The following PLCXD3 variants were observed in gnomAD, a reference collection of about 807,000 sequenced individuals.
PLCXD3 encodes PI-PLC X domain-containing protein 3.
Under a neutral mutation model 25.5 loss-of-function variants are expected in PLCXD3, and 19 were observed. The observed-to-expected ratio is 0.75, with a 90% CI of 0.52 to 1.09. The LOEUF (loss-of-function observed/expected upper bound fraction) is 1.09. PLCXD3 is among the 50% of genes least tolerant of loss of function. The pLI is 0.00. For missense variants in PLCXD3, 411 were observed against 388.1 expected, an observed-to-expected ratio of 1.06 and a Z score of -0.50; for synonymous variants, 174 against 137.6, an observed-to-expected ratio of 1.26 and a Z score of -1.85.
In PLCXD3 at chr5:41,313,586, A is replaced by G. The variant is rs372936378; in HGVS notation, c.*31T>C. ...TGCCCTAATACAATGAGCTTTCTCC[A>G]TCTTATTCATGGAAACTCCAAGTAG... On this transcript the variant is annotated 3_prime_UTR_variant, in exon 3 of 3. Coordinates refer to ENST00000377801, the MANE Select transcript of PLCXD3 (RefSeq NM_001005473.3). 3.1e-6 allele frequency: 5 copies of G among 1,612,910 alleles called. No individual in the cohort carries two copies. In the African/African-American group the frequency reaches 4.0e-5, roughly 13 times the overall value.
intron 2 of PLCXD3, among the ~76,000 whole-genome samples, chr5:41,346,626 T>C (rs1239658272): frequency 6.6e-6 from 1 of 152,200 alleles, no homozygotes; most frequent in Admixed American, 6.5e-5. Context: ...TTTTAAATAT[T>C]TGTAAGTGTA....
chr5:41,331,966 G>T lies in PLCXD3; in HGVS notation c.813-18196C>A, dbSNP rs530750388. On this transcript the variant is annotated intron_variant, in intron 2 of 2. Coordinates refer to ENST00000377801, the MANE Select transcript of PLCXD3 (RefSeq NM_001005473.3). ...TTCAAGATGGATTAAAGACTTAAAC[G>T]TTAGACCTAAAACCTTAAAAACCCT... Among the ~76,000 whole-genome samples the T allele has an allele frequency of 7.9e-3, 1,205 of 152,184 alleles. 18 individuals are homozygous for T. Among genetic ancestry groups the T allele is most frequent in the African/African-American group, 0.028 (1,158 of 41,512 alleles).
chr5:41,400,948 CATGTACCCCATAAATCT>C (rs1746165860), intron 1 of PLCXD3, among the ~76,000 whole-genome samples: 1 of 151,924 alleles, frequency 6.6e-6, no homozygotes, highest in Non-Finnish European at 1.5e-5. Context: ...CAAAACATCT[CATGTACCCCATAAATCT>C]ACATACCTAT....
chr5:41,443,337 C>T (rs959546072), intron 1 of PLCXD3, among the ~76,000 whole-genome samples: 1 of 151,918 alleles, frequency 6.6e-6, no homozygotes, highest in African/African-American at 2.4e-5. Flanking sequence ...CAATGTATGC[C>T]ATACCATATA....
intron 1 of PLCXD3, among the ~76,000 whole-genome samples, chr5:41,420,289 A>G (rs1430538732): frequency 6.6e-6 from 1 of 152,188 alleles, no homozygotes; most frequent in Non-Finnish European, 1.5e-5. Context: ...AATTGGTCTT[A>G]TTTGAGATGA....
intron 1 of PLCXD3, among the ~76,000 whole-genome samples, chr5:41,450,993 C>T (rs1199343706): frequency 6.6e-6 from 1 of 152,088 alleles, no homozygotes; most frequent in Non-Finnish European, 1.5e-5. Flanking sequence ...ACTGAGAAGA[C>T]ACTGGAGTGT....
rs560265904 is a variant in PLCXD3 at position 41,389,073 on chromosome 5, G to A, written c.104-6539C>T. ...TGCTTGATTTTTTTTTAATTGATAG[G>A]AAGGCCTCTGATTTAGTCCACTGGA... On this transcript the variant is annotated intron_variant, in intron 1 of 2. Transcript: ENST00000377801. 2.0e-5 allele frequency among the ~76,000 whole-genome samples: 3 copies of A among 151,706 alleles called. No individual in the cohort carries two copies. In the South Asian group the frequency reaches 6.3e-4, roughly 32 times the overall value.
chr5:41,376,462 C>T (rs1203920092), intron 2 of PLCXD3, among the ~76,000 whole-genome samples: 3 of 152,016 alleles, frequency 2.0e-5, no homozygotes. Flanking sequence ...ATGCCTAATT[C>T]AGCTAACCAT....
intron 1 of PLCXD3, among the ~76,000 whole-genome samples, chr5:41,441,164 C>T (rs1747375956): frequency 6.6e-6 from 1 of 152,082 alleles, no homozygotes; most frequent in South Asian, 2.1e-4. Context: ...CCTGAAAAGA[C>T]AGCAACCTGA....
At chr5:41,492,761 A>G (rs1315636525) in intron 1 of PLCXD3, among the ~76,000 whole-genome samples, 6 of 152,122 alleles carry the variant, frequency 3.9e-5, no homozygotes, top group African/African-American at 1.4e-4. Flanking sequence ...GTAGTTCTCG[A>G]GCCTTGGCTT....
At chr5:41,354,487 T>G (rs1487819198) in intron 2 of PLCXD3, among the ~76,000 whole-genome samples, 1 of 152,210 alleles carries the variant, frequency 6.6e-6, no homozygotes, top group East Asian at 1.9e-4. Context: ...TTCAACTCCT[T>G]TAGATTCTAC....
chr5:41,340,198 C>A (rs1337923266), intron 2 of PLCXD3, among the ~76,000 whole-genome samples: 1 of 152,076 alleles, frequency 6.6e-6, no homozygotes, highest in Non-Finnish European at 1.5e-5. Flanking sequence ...ATGAGGTAAC[C>A]AGCATTCACC....
At chr5:41,363,468 A>G (rs973795468) in intron 2 of PLCXD3, among the ~76,000 whole-genome samples, 4 of 152,164 alleles carry the variant, frequency 2.6e-5, no homozygotes, top group Non-Finnish European at 5.9e-5. Flanking sequence ...AATTTTTTTT[A>G]ACTGACATCC....
chr5:41,375,644 G>A (rs979673372), intron 2 of PLCXD3, among the ~76,000 whole-genome samples: 23 of 152,002 alleles, frequency 1.5e-4, no homozygotes, highest in African/African-American at 5.6e-4. Flanking sequence ...TCCTACCAGG[G>A]TTTGCTTTCT....
chr5:41,365,850 A>G (rs1227749278), intron 2 of PLCXD3, among the ~76,000 whole-genome samples: 1 of 151,988 alleles, frequency 6.6e-6, no homozygotes, highest in Non-Finnish European at 1.5e-5. Flanking sequence ...TCTCAAGCGG[A>G]ACCCTTTTTG....
Position 41,440,249 on chromosome 5 carries a change from T to TTTTTTTTTG in PLCXD3, c.104-57716_104-57715insCAAAAAAAA, listed in dbSNP as rs751131624. Among the ~76,000 whole-genome samples, 202 of 100,360 alleles carry TTTTTTTTTG rather than the reference T, an allele frequency of 2.0e-3. 7 individuals are homozygous for TTTTTTTTTG. The highest frequency in any genetic ancestry group is 5.0e-3 in the Middle Eastern group (1 of 200). The allele number at this position is 100,360 out of a possible 152,430, so 65.8% of individuals were successfully genotyped here. On this transcript the variant is annotated intron_variant, in intron 1 of 2. Coordinates refer to ENST00000377801, the MANE Select transcript of PLCXD3 (RefSeq NM_001005473.3). ...TTTTTTTTTTTTTTTTTTTTTTTTT[T>TTTTTTTTTG]TTAGTCAGAGTCTCACTGTGTCACC...
intron 1 of PLCXD3, among the ~76,000 whole-genome samples, chr5:41,442,491 A>G (rs1216980871): frequency 1.3e-5 from 2 of 152,220 alleles, no homozygotes; most frequent in African/African-American, 4.8e-5. Context: ...TGTTACCTGT[A>G]AAGTGGGAGA....
intron 1 of PLCXD3, among the ~76,000 whole-genome samples, chr5:41,472,779 C>T (rs747270605): frequency 1.1e-4 from 16 of 152,176 alleles, no homozygotes; most frequent in Non-Finnish European, 1.8e-4. Context: ...TTGCTCAATA[C>T]TCAGGGGATT....
chr5:41,489,308 T>G (rs894082224), intron 1 of PLCXD3, among the ~76,000 whole-genome samples: 4 of 152,200 alleles, frequency 2.6e-5, no homozygotes, highest in African/African-American at 9.6e-5. Context: ...TTGGTACCAG[T>G]ACCATGCTGT....
Sources: gnomAD v4.1 joint callset for allele counts (sites outside exome capture counted in the v4.1 genomes callset) on GRCh38, gnomAD v4.1.1 for gene constraint, MANE v1.5 for transcripts, NCBI Gene and HGNC (gene_info 2026-07-23, HGNC 2026-07-21) for gene names.